EHMT1: variants seen among roughly 807,000 people sequenced by gnomAD.
EHMT1 encodes euchromatic histone lysine methyltransferase 1.
Under a neutral mutation model 147.2 loss-of-function variants are expected in EHMT1, and 15 were observed. The observed-to-expected ratio is 0.10, with a 90% confidence interval of 0.07 to 0.16. The LOEUF (loss-of-function observed/expected upper bound fraction) is 0.16, where lower values mean the gene tolerates loss of function less well. Ranked by LOEUF, EHMT1 falls within the 10% of genes least tolerant of loss-of-function variation. The pLI is 1.00. For synonymous variants in EHMT1, 795 were observed against 709.6 expected (o/e 1.12, Z -1.91); for missense variants, 1,587 against 1,772.4 (o/e 0.90, Z 1.88).
chr9:137,749,625 T>C (rs1948819048), intron 6 of EHMT1, among the ~76,000 whole-genome samples: 1 of 152,168 alleles, frequency 6.6e-6, no homozygotes, highest in African/African-American at 2.4e-5. Context: ...TGTCAGTGGT[T>C]ACCCCTTCTC....
intron 1 of EHMT1, among the ~76,000 whole-genome samples, chr9:137,643,734 C>T (rs748374332): frequency 3.2e-4 from 48 of 152,104 alleles, no homozygotes; most frequent in Non-Finnish European, 5.7e-4. Context: ...CTCTCAGGAC[C>T]CTCGTTCATG....
chr9:137,740,996 A>T (rs1230211384), intron 4 of EHMT1, among the ~76,000 whole-genome samples: 9 of 129,998 alleles, frequency 6.9e-5, no homozygotes, highest in African/African-American at 3.3e-4. Flanking sequence ...TGTTTGTTTG[A>T]GACAGAGTCT....
chr9:137,756,062 A>T (rs1349369139), intron 8 of EHMT1, among the ~76,000 whole-genome samples: 4 of 152,222 alleles, frequency 2.6e-5, no homozygotes, highest in Non-Finnish European at 4.4e-5. Context: ...CTTGAAGTCC[A>T]AGTTACGAGT....
At position 137,776,540 on chromosome 9, in the gene EHMT1, C is replaced by T; in HGVS notation, c.1792-78C>T. 1.4e-6 allele frequency: 2 copies of T among 1,445,540 alleles called. No homozygotes were observed. The highest frequency in any genetic ancestry group is 4.8e-5 in the East Asian group (2 of 41,828). The allele number at this position is 1,445,540 out of a possible 1,614,324, so 89.5% of individuals were successfully genotyped here. A position where few individuals can be genotyped will look rare whatever the true frequency, so the allele number is the denominator to read the frequency against. ...AGACCGCCCGATGTGGGATGCGGTGCCAGTTTAGTAGTACTTTATTTTTCT... is the reference window on the plus strand; with the variant it reads ...AGACCGCCCGATGTGGGATGCGGTGTCAGTTTAGTAGTACTTTATTTTTCT... On this transcript the variant is annotated intron_variant, in intron 11 of 26. Coordinates refer to ENST00000460843, the MANE Select transcript of EHMT1 (RefSeq NM_024757.5). This position sits in a 1 kb window ranked among gnomAD's most constrained non-coding sequence, Gnocchi z 4.4.
intron 1 of EHMT1, among the ~76,000 whole-genome samples, chr9:137,703,959 G>A (rs913797268): frequency 5.9e-5 from 9 of 152,174 alleles, no homozygotes; most frequent in Non-Finnish European, 1.2e-4. Context: ...GGCTGTAGAG[G>A]CTTCTGCTTC....
At position 137,619,012 on chromosome 9, in the gene EHMT1, C is replaced by T. The variant is rs946293233; in HGVS notation, c.-17C>T. 12 of 971,458 alleles carry T rather than the reference C, an allele frequency of 1.2e-5. No individual in the cohort carries two copies. The South Asian group carries it at 1.4e-4, about 11-fold the overall frequency. The allele number at this position is 971,458 out of a possible 1,614,324, so 60.2% of individuals were successfully genotyped here. On this transcript the variant is annotated 5_prime_UTR_variant, in exon 1 of 27. The change creates a new upstream start codon in the 5' untranslated region. Coordinates refer to ENST00000460843, the MANE Select transcript of EHMT1 (RefSeq NM_024757.5). ...ATGGCGCGCGGGAGGGGCGGGGCCA[C>T]GCTGCGGGCCCGGGCCATGGCCGCC... is the stretch of plus-strand genomic sequence containing the variant.
chr9:137,763,213 G>A (rs1949973172), intron 10 of EHMT1: 5 of 403,296 alleles, frequency 1.2e-5, no homozygotes, highest in Non-Finnish European at 2.3e-5. Flanking sequence ...GGCCCCGCAA[G>A]GGCCGGGCCT....
chr9:137,722,350 C>T (rs377430650), intron 3 of EHMT1, among the ~76,000 whole-genome samples: 1 of 152,208 alleles, frequency 6.6e-6, no homozygotes, highest in East Asian at 1.9e-4. Context: ...TAATTGATTA[C>T]AGCACATCAT....
At chr9:137,638,618 A>G (rs1302111107) in intron 1 of EHMT1, among the ~76,000 whole-genome samples, 1 of 152,172 alleles carries the variant, frequency 6.6e-6, no homozygotes, top group Admixed American at 6.6e-5. Context: ...AAATATGTTG[A>G]AGTCCTAAAC....
intron 23 of EHMT1, chr9:137,816,774 G>A (rs1954950834): frequency 1.2e-5 from 2 of 166,594 alleles, no homozygotes. Flanking sequence ...GTGAAAGGCA[G>A]TCTCTGTCCT....
In EHMT1 at chr9:137,776,414, C is replaced by G; in HGVS notation, c.1792-204C>G. 1.8e-6 allele frequency: 1 copy of G among 540,890 alleles called. No homozygotes were observed. Among genetic ancestry groups the G allele is most frequent in the Non-Finnish European group, 3.3e-6 (1 of 301,046 alleles). 33.5% of individuals were successfully genotyped at this position (540,890 alleles called of 1,614,324 possible). ...AGTGACCTCTGTCTGGCTTCAGCTT[C>G]TTCTCTGTGGGGCGAGAGCACCACG... On this transcript the variant is annotated intron_variant, in intron 11 of 26. Transcript: ENST00000460843. The surrounding 1 kb of genome is among the most constrained non-coding windows in gnomAD (Gnocchi z 4.4).
intron 14 of EHMT1, among the ~76,000 whole-genome samples, chr9:137,780,646 GGCAT>G (rs1564747084): frequency 2.0e-4 from 14 of 71,344 alleles, no homozygotes; most frequent in Admixed American, 3.1e-4. Context: ...TGGTGATGAC[GGCAT>G]CTCACTGAGA....
At chr9:137,799,710 T>C (rs1466836328) in intron 17 of EHMT1, among the ~76,000 whole-genome samples, 1 of 152,236 alleles carries the variant, frequency 6.6e-6, no homozygotes, top group East Asian at 1.9e-4. Context: ...AGCCCAGTGG[T>C]TGCCCACCCA....
chr9:137,641,494 A>G, intron 1 of EHMT1: 1 of 426,498 alleles, frequency 2.3e-6, no homozygotes, highest in Non-Finnish European at 4.5e-6. Flanking sequence ...GATGGCTGAC[A>G]AATGTTATTA....
At chr9:137,801,644 G>A (rs571078920) in intron 18 of EHMT1, among the ~76,000 whole-genome samples, 10 of 152,208 alleles carry the variant, frequency 6.6e-5, no homozygotes, top group Middle Eastern at 3.4e-3. Flanking sequence ...GATTATAGGC[G>A]CCCACGACCA....
chr9:137,773,065 G>A (rs1046391572), intron 10 of EHMT1, among the ~76,000 whole-genome samples: 20 of 152,148 alleles, frequency 1.3e-4, no homozygotes, highest in African/African-American at 4.6e-4. Context: ...AATGCATGCC[G>A]ATTGTAAAAT....
At chr9:137,817,298 T>C in intron 23 of EHMT1, 141 bp from the exon 24 acceptor site, 1 of 901,760 alleles carries the variant, frequency 1.1e-6, no homozygotes, top group South Asian at 1.4e-5. Flanking sequence ...GTCTGTGAGG[T>C]GCCTGCAGCA....
intron 18 of EHMT1, chr9:137,803,068 T>C: frequency 1.6e-6 from 2 of 1,230,380 alleles, no homozygotes; most frequent in Middle Eastern, 3.1e-4. Context: ...GCGGCCCTAG[T>C]GTGGCTGGTC....
chr9:137,695,465 T>C (rs1362466202), intron 1 of EHMT1, among the ~76,000 whole-genome samples: 1 of 152,222 alleles, frequency 6.6e-6, no homozygotes, highest in African/African-American at 2.4e-5. Context: ...TGCACTGCCC[T>C]GAAACTCGGT....
Sources: allele counts gnomAD v4.1 joint callset (sites outside exome capture counted in the v4.1 genomes callset), GRCh38; gene constraint gnomAD v4.1.1; non-coding constraint Gnocchi (gnomAD v3.1); transcripts MANE v1.5; gene names NCBI Gene and HGNC (gene_info 2026-07-23, HGNC 2026-07-21).